RSPO2: variants seen among roughly 807,000 people sequenced by gnomAD.
RSPO2 encodes the protein R-spondin-2.
Under a neutral mutation model 30.9 loss-of-function variants are expected in RSPO2, and 14 were observed. That is an observed-to-expected ratio of 0.45 (90% CI 0.30 to 0.71). RSPO2 has a LOEUF of 0.71. Ranked by LOEUF, RSPO2 falls within the 30% of genes least tolerant of loss-of-function variation. RSPO2 has a pLI of 0.08. For synonymous variants in RSPO2, 107 were observed against 96.4 expected (o/e 1.11, Z -0.64); for missense variants, 264 against 301.9 (o/e 0.87, Z 0.93).
At chr8:107,984,379 A>G (rs915411946) in intron 3 of RSPO2, among the ~76,000 whole-genome samples, 1 of 152,234 alleles carries the variant, frequency 6.6e-6, no homozygotes, top group African/African-American at 2.4e-5. Context: ...GCTGCTTTAT[A>G]TTTGAAACAT....
intron 2 of RSPO2, among the ~76,000 whole-genome samples, chr8:108,061,903 A>G (rs1812479715): frequency 6.6e-6 from 1 of 151,880 alleles, no homozygotes; most frequent in Admixed American, 6.5e-5. Flanking sequence ...GCTCAACTAC[A>G]TGGAAACTCA....
chr8:107,999,756 T>A (rs886789849), intron 2 of RSPO2, among the ~76,000 whole-genome samples: 1 of 152,012 alleles, frequency 6.6e-6, no homozygotes, highest in South Asian at 2.1e-4. Flanking sequence ...TTTTTAAATA[T>A]TGGGGGAGAA....
intron 5 of RSPO2, among the ~76,000 whole-genome samples, chr8:107,913,803 A>G (rs1264187538): frequency 1.3e-5 from 2 of 152,180 alleles, no homozygotes; most frequent in East Asian, 1.9e-4. Flanking sequence ...CAGAAAAAGT[A>G]TAGAGACTGT....
chr8:107,923,685 T>C (rs1427655016), intron 5 of RSPO2, among the ~76,000 whole-genome samples: 1 of 152,138 alleles, frequency 6.6e-6, no homozygotes, highest in Non-Finnish European at 1.5e-5. Context: ...CCATCAATGA[T>C]AGACTGGATA....
At chr8:108,030,898 C>T (rs1013259699) in intron 2 of RSPO2, among the ~76,000 whole-genome samples, 1 of 152,148 alleles carries the variant, frequency 6.6e-6, no homozygotes, top group Non-Finnish European at 1.5e-5. Context: ...TTTTATCAAG[C>T]ATATTTCACA....
chr8:108,033,622 A>G (rs1390291805), intron 2 of RSPO2, among the ~76,000 whole-genome samples: 1 of 152,208 alleles, frequency 6.6e-6, no homozygotes, highest in African/African-American at 2.4e-5. Flanking sequence ...GGAGTCACTG[A>G]ATTATATTTT....
chr8:108,046,129 C>T (rs964339844), intron 2 of RSPO2, among the ~76,000 whole-genome samples: 12 of 152,090 alleles, frequency 7.9e-5, no homozygotes, highest in Admixed American at 1.3e-4. Context: ...AAGGCTTGCC[C>T]GCACACATTT....
In RSPO2 at chr8:107,901,198, G is replaced by A. The variant is rs751120242; in HGVS notation, c.617-8C>T. The A allele has an allele frequency of 3.9e-5, 63 of 1,606,404 alleles. No individual in the cohort carries two copies. Among genetic ancestry groups the A allele is most frequent in the Non-Finnish European group, 5.1e-5 (60 of 1,177,174 alleles). On this transcript the variant is annotated splice_polypyrimidine_tract_variant and splice_region_variant and intron_variant, in intron 5 of 5. Transcript: ENST00000276659. ...CCTTTGGTGTTCTCTTCCCTGCAAT[G>A]AAGGAAAGAAAAGAAGAGATGTCAG...
chr8:108,012,519 T>C (rs983515100), intron 2 of RSPO2, among the ~76,000 whole-genome samples: 1 of 152,226 alleles, frequency 6.6e-6, no homozygotes, highest in Non-Finnish European at 1.5e-5. Context: ...TTCCTACATA[T>C]AGATGAAAAT....
chr8:108,060,242 A>C (rs1812408431), intron 2 of RSPO2, among the ~76,000 whole-genome samples: 2 of 151,852 alleles, frequency 1.3e-5, no homozygotes, highest in Non-Finnish European at 2.9e-5. Context: ...CTCCAAGCTA[A>C]AGGAGGAAGT....
At chr8:107,967,629 A>G (rs999035806) in intron 3 of RSPO2, among the ~76,000 whole-genome samples, 5 of 152,204 alleles carry the variant, frequency 3.3e-5, no homozygotes, top group Admixed American at 2.6e-4. Context: ...TTACTAAATT[A>G]ACAGAAGATA....
chr8:108,072,129 G>A (rs919486132), intron 2 of RSPO2, among the ~76,000 whole-genome samples: 3 of 152,152 alleles, frequency 2.0e-5, no homozygotes, highest in Non-Finnish European at 2.9e-5. Flanking sequence ...TGCAGAGGAG[G>A]TCTGCCAGCT....
intron 2 of RSPO2, among the ~76,000 whole-genome samples, chr8:108,063,069 A>C (rs1271413303): frequency 1.3e-5 from 2 of 151,864 alleles, no homozygotes; most frequent in African/African-American, 2.4e-5. Context: ...ACCCACAGCC[A>C]ATATCATACT....
chr8:108,053,424 C>T (rs1032594091), intron 2 of RSPO2, among the ~76,000 whole-genome samples: 3 of 152,180 alleles, frequency 2.0e-5, no homozygotes, highest in Non-Finnish European at 4.4e-5. Context: ...ATGCCCTCTC[C>T]TTAGAGCCCA....
At chr8:107,925,387 TC>T (rs1374461911) in intron 5 of RSPO2, among the ~76,000 whole-genome samples, 1 of 151,396 alleles carries the variant, frequency 6.6e-6, no homozygotes, top group African/African-American at 2.4e-5. Context: ...GTGTTTTTTT[TC>T]TTTTATATAT....
intron 2 of RSPO2, 66 bp downstream of exon 2, chr8:108,082,479 G>A (rs1813236152): frequency 7.9e-7 from 1 of 1,260,124 alleles, no homozygotes; most frequent in Non-Finnish European, 1.2e-6. Flanking sequence ...GAGCCAGGGC[G>A]TGAGTGAGCG....
Position 107,972,310 on chromosome 8 carries a change from T to TA in RSPO2, c.284-11494dup, listed in dbSNP as rs1438011149. Among the ~76,000 whole-genome samples the TA allele has an allele frequency of 2.0e-5, 3 of 152,130 alleles. No individual in the cohort carries two copies. In the East Asian group the frequency reaches 5.8e-4, roughly 30 times the overall value. On this transcript the variant is annotated intron_variant, in intron 3 of 5. Transcript: ENST00000276659. ...ACAGGTGCCTGCCACCATGTCTGGA[T>TA]AATTTTTGTCCTTTTTGTAGAGATG...
intron 2 of RSPO2, among the ~76,000 whole-genome samples, chr8:107,992,278 A>C (rs1405618553): frequency 1.3e-5 from 2 of 152,214 alleles, no homozygotes; most frequent in East Asian, 1.9e-4. Flanking sequence ...GCTGGAGGCC[A>C]TTATCCTTAG....
chr8:107,976,245 C>T lies in RSPO2; in HGVS notation c.283+12811G>A, dbSNP rs576333829. Among the ~76,000 whole-genome samples the T allele has an allele frequency of 5.6e-4, 86 of 152,290 alleles. 1 individual carries two copies. Among genetic ancestry groups the T allele is most frequent in the Admixed American group, 5.6e-3 (85 of 15,304 alleles). On this transcript the variant is annotated intron_variant, in intron 3 of 5. Coordinates refer to ENST00000276659, the MANE Select transcript of RSPO2 (RefSeq NM_178565.5). Reference sequence around the variant, plus strand: ...TTCTTTTTTATGATGGGCAGTTGAACTGGACCAAATGATGCATTTTTACTT... The same window carrying T: ...TTCTTTTTTATGATGGGCAGTTGAATTGGACCAAATGATGCATTTTTACTT...
Sources: gnomAD v4.1 joint callset for allele counts (sites outside exome capture counted in the v4.1 genomes callset) on GRCh38, gnomAD v4.1.1 for gene constraint, MANE v1.5 for transcripts, NCBI Gene and HGNC (gene_info 2026-07-23, HGNC 2026-07-21) for gene names.